Variants in PDZD2 observed in about 807,000 individuals in gnomAD.
PDZD2 encodes PDZ domain containing 2, also known as PDZ domain-containing protein 2.
In PDZD2, 90 loss-of-function variants were observed where a neutral mutation model predicts 220.7. The ratio of observed to expected loss-of-function variants is 0.41; its 90% CI spans 0.34 to 0.49. The LOEUF (loss-of-function observed/expected upper bound fraction) is 0.49. Among genes scored for constraint, PDZD2 ranks in the 20% least tolerant of loss-of-function variants. PDZD2 has a pLI of 0.28. For missense variants in PDZD2, 3,174 were observed against 3,608.5 expected, an observed-to-expected ratio of 0.88 and a Z score of 3.08; for synonymous variants, 1,375 against 1,450.5, an observed-to-expected ratio of 0.95 and a Z score of 1.18.
At chr5:32,003,331 C>CCCACCACA (rs764711883) in intron 5 of PDZD2, among the ~76,000 whole-genome samples, 2 of 69,676 alleles carry the variant, frequency 2.9e-5, no homozygotes, top group African/African-American at 7.3e-5. Flanking sequence ...ACACACACCC[C>CCCACCACA]CACCACACCA....
Position 31,682,094 on chromosome 5 carries a change from C to T in PDZD2, c.-361+42657C>T, listed in dbSNP as rs539751310. Among the ~76,000 whole-genome samples, 17 of 152,164 alleles carry T rather than the reference C, an allele frequency of 1.1e-4. No homozygotes were observed. In the South Asian group the frequency reaches 2.1e-3, roughly 19 times the overall value. ...TGATTGGAAAATTAGACCCAAGTGGCGAGTTTAAAGGAACTGGGGCTGGTT... is the reference window on the plus strand; with the variant it reads ...TGATTGGAAAATTAGACCCAAGTGGTGAGTTTAAAGGAACTGGGGCTGGTT... On this transcript the variant is annotated intron_variant, in intron 1 of 24. Coordinates refer to ENST00000438447, the MANE Select transcript of PDZD2 (RefSeq NM_178140.4).
At chr5:31,837,015 TAAAAG>T (rs1451697161) in intron 2 of PDZD2, among the ~76,000 whole-genome samples, 1 of 103,190 alleles carries the variant, frequency 9.7e-6, no homozygotes, top group East Asian at 2.2e-4. Flanking sequence ...GAGACTGTCT[TAAAAG>T]AAAGAAAGAA....
chr5:31,973,728 A>C (rs991151983), intron 2 of PDZD2, among the ~76,000 whole-genome samples: 33 of 152,284 alleles, frequency 2.2e-4, no homozygotes, highest in East Asian at 7.7e-4. Context: ...TCTTAAAGAG[A>C]AGTTTATTTT....
In PDZD2 at chr5:31,798,916, C is replaced by T. The variant is rs867335036; in HGVS notation, c.-333C>T. 3.2e-6 allele frequency: 1 copy of T among 314,072 alleles called. No homozygotes were observed. The highest frequency in any genetic ancestry group is 5.9e-6 in the Non-Finnish European group (1 of 170,254). The allele number at this position is 314,072 out of a possible 1,614,324, so 19.5% of individuals were successfully genotyped here. A position where few individuals can be genotyped will look rare whatever the true frequency, so the allele number is the denominator to read the frequency against. On this transcript the variant is annotated 5_prime_UTR_variant, in exon 2 of 25. The change creates a new upstream start codon in the 5' untranslated region. Transcript: ENST00000438447. ...GTGAATGAGCCCAGGGAAGGACACA[C>T]GGCCACTGCTGGAGGGATCCTCCAT...
chr5:32,097,644 T>C (rs1316434648), intron 22 of PDZD2, among the ~76,000 whole-genome samples: 1 of 152,214 alleles, frequency 6.6e-6, no homozygotes, highest in Non-Finnish European at 1.5e-5. Flanking sequence ...TTTACCTCCA[T>C]ATTTTAAGCA....
At chr5:31,654,138 C>G (rs1745456805) in intron 1 of PDZD2, among the ~76,000 whole-genome samples, 1 of 152,120 alleles carries the variant, frequency 6.6e-6, no homozygotes, top group Non-Finnish European at 1.5e-5. Context: ...AAGTGGTTCT[C>G]CACGCCAATG....
At chr5:31,735,090 G>A (rs1043735836) in intron 1 of PDZD2, among the ~76,000 whole-genome samples, 24 of 152,110 alleles carry the variant, frequency 1.6e-4, no homozygotes, top group Non-Finnish European at 2.4e-4. Context: ...TACTTGCCCA[G>A]CGTTGAACCC....
At chr5:31,739,417 A>C (rs567561821) in intron 1 of PDZD2, among the ~76,000 whole-genome samples, 91 of 152,336 alleles carry the variant, frequency 6.0e-4, no homozygotes, top group Non-Finnish European at 1.1e-3. Flanking sequence ...AATTAGCAGA[A>C]TAAATTATGT....
At chr5:31,936,435 T>G in intron 2 of PDZD2, 1 of 689,574 alleles carries the variant, frequency 1.5e-6, no homozygotes, top group Non-Finnish European at 1.8e-6. Flanking sequence ...TATTTTTTAA[T>G]TATATGAGAG....
At chr5:32,082,365 G>C (rs1380666813) in intron 19 of PDZD2, among the ~76,000 whole-genome samples, 1 of 151,990 alleles carries the variant, frequency 6.6e-6, no homozygotes, top group Non-Finnish European at 1.5e-5. Context: ...AAATGCATAA[G>C]TGATCAAAGA....
rs1275638398 is a variant in PDZD2 at position 32,089,667 on chromosome 5, A to G, written c.6219A>G (p.Glu2073=). 1.2e-6 allele frequency: 2 copies of G among 1,614,172 alleles called. No homozygotes were observed. The highest frequency in any genetic ancestry group is 1.7e-6 in the Non-Finnish European group (2 of 1,180,030). ...CAGCCCAACCCAGGCCGACTGGCGA[A>G]AAAGGAGGCAACATAATGGCCAGCG... The part of the protein sequence containing the change: ...ADTAQPRPTG[E]KGGNIMASDR... The change falls in exon 20 of 25, where the codon GAA becomes GAG. Residue 2073 remains glutamate (E), a synonymous_variant. Coordinates refer to ENST00000438447, the MANE Select transcript of PDZD2 (RefSeq NM_178140.4).
intron 1 of PDZD2, among the ~76,000 whole-genome samples, chr5:31,643,937 G>T (rs1226955336): frequency 6.6e-6 from 1 of 151,830 alleles, no homozygotes; most frequent in Non-Finnish European, 1.5e-5. Context: ...TTCCACCTCA[G>T]CCTCCCAAGT....
At chr5:31,923,418 G>T in intron 2 of PDZD2, 1 of 1,246,228 alleles carries the variant, frequency 8.0e-7, no homozygotes. Context: ...GCTCTTCAAC[G>T]GGGGCCAGTT....
At chr5:31,887,890 A>C (rs1210186573) in intron 2 of PDZD2, among the ~76,000 whole-genome samples, 1 of 152,158 alleles carries the variant, frequency 6.6e-6, no homozygotes. Context: ...GGACAGTTAC[A>C]CATAGCTTTG....
chr5:31,782,097 G>A (rs1237339922), intron 1 of PDZD2, among the ~76,000 whole-genome samples: 1 of 152,194 alleles, frequency 6.6e-6, no homozygotes, highest in Non-Finnish European at 1.5e-5. Context: ...AGGCAGGGTA[G>A]GGGTGCCGGC....
At chr5:31,932,412 G>A (rs1321245711) in intron 2 of PDZD2, among the ~76,000 whole-genome samples, 1 of 152,110 alleles carries the variant, frequency 6.6e-6, no homozygotes, top group Non-Finnish European at 1.5e-5. Context: ...AGCTAGGCGT[G>A]GTGGCGTGTG....
chr5:32,074,209 C>G lies in PDZD2; in HGVS notation c.3103C>G (p.Leu1035Val). The change falls in exon 18 of 25, where the codon CTT (leucine) becomes GTT (valine). Residue 1035 changes from leucine to valine, a missense_variant. By Grantham distance (32) the Leu-to-Val change is conservative. Coordinates refer to ENST00000438447, the MANE Select transcript of PDZD2 (RefSeq NM_178140.4). ...LVSKAISAPL[L>V]GSSVDLEESI... ...GAGCAAGGCCATCTCGGCACCTCTTCTTGGTAGCTCAGTGGACTTAGAGGA... is the reference window on the plus strand; with the variant it reads ...GAGCAAGGCCATCTCGGCACCTCTTGTTGGTAGCTCAGTGGACTTAGAGGA... 4 of 1,614,244 alleles carry G rather than the reference C, an allele frequency of 2.5e-6. No individual in the cohort carries two copies. The highest frequency in any genetic ancestry group is 3.4e-6 in the Non-Finnish European group (4 of 1,180,048).
chr5:31,992,466 T>C (rs6861526), intron 3 of PDZD2, among the ~76,000 whole-genome samples: 31,261 of 152,062 alleles, frequency 0.21, 3,548 homozygotes, highest in Non-Finnish European at 0.26. Context: ...TGAGCTGATA[T>C]TGTATTCCCA....
chr5:31,771,988 A>G (rs1752365414), intron 1 of PDZD2, among the ~76,000 whole-genome samples: 1 of 152,190 alleles, frequency 6.6e-6, no homozygotes. Context: ...GTGTAAATCA[A>G]TGAAGGTGGA....
Sources: allele counts gnomAD v4.1 joint callset (sites outside exome capture counted in the v4.1 genomes callset), GRCh38; gene constraint gnomAD v4.1.1; transcripts MANE v1.5; gene names NCBI Gene and HGNC (gene_info 2026-07-23, HGNC 2026-07-21).